Variants in SNPH observed in about 807,000 individuals in gnomAD.
SNPH encodes the protein syntaphilin.
In SNPH, 10 loss-of-function variants were observed where a neutral mutation model predicts 36.8. The ratio of observed to expected loss-of-function variants is 0.27; its 90% CI spans 0.17 to 0.46. The LOEUF is 0.46. SNPH is among the 20% of genes least tolerant of loss of function. The pLI, the probability that SNPH is intolerant of heterozygous loss-of-function variation, is 1.00. For synonymous variants in SNPH, 281 were observed against 312.2 expected (o/e 0.90, Z 1.05); for missense variants, 622 against 744.0 (o/e 0.84, Z 1.91).
At position 1,304,627 on chromosome 20, in the gene SNPH, TCTCCTCCCAAC is replaced by T. The variant is rs1249433019; in HGVS notation, c.441-248_441-238del. Among the ~76,000 whole-genome samples, 1 of 152,018 alleles carries T rather than the reference TCTCCTCCCAAC, an allele frequency of 6.6e-6. No homozygotes were observed. The highest frequency in any genetic ancestry group is 2.4e-5 in the African/African-American group (1 of 41,370). Reference sequence around the variant, plus strand: ...GGTGGGGGAGGGAATGCGAGTGGTGTCTCCTCCCAACCTTTCTTCTCTCTCCAGGCAGAGGC... The same window carrying T: ...GGTGGGGGAGGGAATGCGAGTGGTGTCTTTCTTCTCTCTCCAGGCAGAGGC... On this transcript the variant is annotated intron_variant, in intron 6 of 6. Coordinates refer to ENST00000381867, the MANE Select transcript of SNPH (RefSeq NM_001318234.2). This position sits in a 1 kb window ranked among gnomAD's most constrained non-coding sequence, Gnocchi z 4.3.
At chr20:1,288,515 A>G (rs1355038561) in intron 2 of SNPH, among the ~76,000 whole-genome samples, 1 of 152,166 alleles carries the variant, frequency 6.6e-6, no homozygotes, top group Non-Finnish European at 1.5e-5. Context: ...AGGAAAGAGC[A>G]GTGCTCCTCA....
chr20:1,304,810 G>T lies in SNPH; in HGVS notation c.441-68G>T. On this transcript the variant is annotated intron_variant, in intron 6 of 6. Transcript: ENST00000381867. This position sits in a 1 kb window ranked among gnomAD's most constrained non-coding sequence, Gnocchi z 4.3. ...TCCTTGGCAACAGTGTCCTCTCCCT[G>T]CCTCTCCTTGGCGGTGACAGACCAG... The T allele has an allele frequency of 6.7e-7, 1 of 1,484,252 alleles. No homozygotes were observed. The highest frequency in any genetic ancestry group is 2.3e-5 in the East Asian group (1 of 44,208). The allele number at this position is 1,484,252 out of a possible 1,614,324, so 91.9% of individuals were successfully genotyped here.
intron 2 of SNPH, among the ~76,000 whole-genome samples, chr20:1,283,044 A>G (rs1363250711): frequency 6.6e-6 from 1 of 152,076 alleles, no homozygotes; most frequent in Non-Finnish European, 1.5e-5. Context: ...GGTCGGGGAG[A>G]TCAGTGTTTG....
At chr20:1,299,997 C>T (rs2088485037) in intron 5 of SNPH, among the ~76,000 whole-genome samples, 1 of 152,212 alleles carries the variant, frequency 6.6e-6, no homozygotes, top group African/African-American at 2.4e-5. Context: ...AGGAGAGCTT[C>T]TGCCTCCACC....
chr20:1,291,193 C>T (rs1216229659), intron 2 of SNPH, among the ~76,000 whole-genome samples: 1 of 152,218 alleles, frequency 6.6e-6, no homozygotes, highest in African/African-American at 2.4e-5. Flanking sequence ...TGCTGGTTGC[C>T]TGGGGAAGCT....
In SNPH at chr20:1,296,284, G is replaced by A. The variant is rs759021292; in HGVS notation, c.45G>A (p.Pro15=). The A allele has an allele frequency of 1.1e-5, 18 of 1,570,004 alleles. No homozygotes were observed. Among genetic ancestry groups the A allele is most frequent in the East Asian group, 4.9e-5 (2 of 40,626 alleles). The change falls in exon 4 of 7, where the codon CCG becomes CCA. Residue 15 remains proline, a synonymous_variant. Transcript: ENST00000381867. ...GPSERMTWPG[P]ALSAGPPTRP... Reference sequence around the variant, plus strand: ...GCGAGAGGATGACGTGGCCTGGCCCGGCCCTTTCTGCGGGCCCCCCAACCC... The same window carrying A: ...GCGAGAGGATGACGTGGCCTGGCCCAGCCCTTTCTGCGGGCCCCCCAACCC...
chr20:1,266,626 G>C lies in SNPH; in HGVS notation c.-599-28G>C, dbSNP rs1366489027. 6.8e-7 allele frequency: 1 copy of C among 1,480,010 alleles called. No individual in the cohort carries two copies. The highest frequency in any genetic ancestry group is 1.3e-5 in the South Asian group (1 of 75,740). 91.7% of individuals were successfully genotyped at this position (1,480,010 alleles called of 1,614,324 possible). On this transcript the variant is annotated intron_variant, in intron 1 of 6. Transcript: ENST00000381867. The surrounding 1 kb of genome is among the most constrained non-coding windows in gnomAD (Gnocchi z 6.0). ...TTCCCCGCCCGCGCTCACCCGCCCC[G>C]GTCTATCTCTTTTTCCTAACCCCGC...
At chr20:1,286,486 T>G (rs6078462) in intron 2 of SNPH, among the ~76,000 whole-genome samples, 2 of 151,920 alleles carry the variant, frequency 1.3e-5, no homozygotes, top group African/African-American at 2.4e-5. Context: ...ACAGGCACAG[T>G]TGGGTGCGCT....
chr20:1,277,987 CGTGTCTGT>C (rs1228668474), intron 2 of SNPH, among the ~76,000 whole-genome samples: 59 of 125,302 alleles, frequency 4.7e-4, no homozygotes, highest in African/African-American at 1.4e-3. Context: ...GTGTGTGTGG[CGTGTCTGT>C]GTGTCTGTGT....
chr20:1,277,379 CTGTG>C (rs1278181192), intron 2 of SNPH, among the ~76,000 whole-genome samples: 1 of 151,306 alleles, frequency 6.6e-6, no homozygotes, highest in Non-Finnish European at 1.5e-5. Context: ...GTGCCTGTGT[CTGTG>C]TGTGTCTGTG....
chr20:1,292,136 C>A (rs1350491421), intron 2 of SNPH, among the ~76,000 whole-genome samples: 1 of 150,724 alleles, frequency 6.6e-6, no homozygotes, highest in Non-Finnish European at 1.5e-5. Flanking sequence ...ATGAAGTTTC[C>A]CAGGGGATGG....
At chr20:1,293,767 C>A (rs1357079889) in intron 2 of SNPH, among the ~76,000 whole-genome samples, 1 of 152,174 alleles carries the variant, frequency 6.6e-6, no homozygotes, top group Non-Finnish European at 1.5e-5. Flanking sequence ...ACAAGTGCCA[C>A]CCCCTTCCCT....
At chr20:1,283,900 C>A (rs542868967) in intron 2 of SNPH, among the ~76,000 whole-genome samples, 1 of 152,320 alleles carries the variant, frequency 6.6e-6, no homozygotes, top group South Asian at 2.1e-4. Flanking sequence ...CAATACTTAG[C>A]CTTCAAAGGC....
At chr20:1,287,189 T>A (rs575082925) in intron 2 of SNPH, among the ~76,000 whole-genome samples, 2 of 152,344 alleles carry the variant, frequency 1.3e-5, no homozygotes, top group Non-Finnish European at 2.9e-5. Flanking sequence ...TTGGCATCAG[T>A]GGCCAGGAAG....
At position 1,300,717 on chromosome 20, in the gene SNPH, C is replaced by T. The variant is rs956137230; in HGVS notation, c.440+6C>T. ...CAGGACCGGCTCCAGGACCGGTGAG[C>T]GGGTGGCCACGAGCAGCCCTGGGGG... On this transcript the variant is annotated splice_donor_region_variant and intron_variant, in intron 6 of 6. Transcript: ENST00000381867. 6.2e-6 allele frequency: 10 copies of T among 1,607,428 alleles called. No homozygotes were observed. The highest frequency in any genetic ancestry group is 2.2e-5 in the East Asian group (1 of 44,846).
Position 1,285,244 on chromosome 20 carries a change from A to T in SNPH, c.-492-9707A>T, listed in dbSNP as rs749387556. 5.9e-5 allele frequency among the ~76,000 whole-genome samples: 9 copies of T among 152,204 alleles called. No homozygotes were observed. Among genetic ancestry groups the T allele is most frequent in the Non-Finnish European group, 1.0e-4 (7 of 68,040 alleles). On this transcript the variant is annotated intron_variant, in intron 2 of 6. Transcript: ENST00000381867. This position sits in a 1 kb window ranked among gnomAD's most constrained non-coding sequence, Gnocchi z 4.9. Reference sequence around the variant, plus strand: ...ATATTTTGGATGTGTTAATTTTGAGATACTCTGTTAGACCAAAGTGGCGGT... The same window carrying T: ...ATATTTTGGATGTGTTAATTTTGAGTTACTCTGTTAGACCAAAGTGGCGGT...
In SNPH at chr20:1,297,228, G is replaced by A; in HGVS notation, c.266G>A (p.Gly89Asp). 1 of 1,613,756 alleles carries A rather than the reference G, an allele frequency of 6.2e-7. No individual in the cohort carries two copies. Among genetic ancestry groups the A allele is most frequent in the Non-Finnish European group, 8.5e-7 (1 of 1,179,942 alleles). Reference protein sequence around the residue: ...SSSSNSGSYKGSDSSPTPRRS... With the variant: ...SSSSNSGSYKDSDSSPTPRRS... ...AGCAGCAATTCTGGCTCCTACAAGG[G>A]CAGTGACAGCAGTCCCACGCCAAGG... Residue 89 changes from glycine (G) to aspartate (D), a missense_variant, in exon 5 of 7, where the codon GGC (glycine) becomes GAC (aspartate). By Grantham distance (94) the Gly-to-Asp change is moderately conservative. Transcript: ENST00000381867.
intron 6 of SNPH, among the ~76,000 whole-genome samples, chr20:1,302,817 C>T (rs937293120): frequency 3.3e-5 from 5 of 152,248 alleles, no homozygotes; most frequent in Non-Finnish European, 5.9e-5. Flanking sequence ...CAGGCGGTTA[C>T]GGGTAGCATT....
At chr20:1,290,569 T>C (rs961735917) in intron 2 of SNPH, among the ~76,000 whole-genome samples, 5 of 152,256 alleles carry the variant, frequency 3.3e-5, no homozygotes, top group Admixed American at 2.6e-4. Context: ...ACGCATCACA[T>C]TTTGTTTATC....
Sources: allele counts gnomAD v4.1 joint callset (sites outside exome capture counted in the v4.1 genomes callset), GRCh38; gene constraint gnomAD v4.1.1; non-coding constraint Gnocchi (gnomAD v3.1); transcripts MANE v1.5; gene names NCBI Gene and HGNC (gene_info 2026-07-23, HGNC 2026-07-21).